DNAJC24: variants seen among roughly 807,000 people sequenced by gnomAD.
The protein encoded by DNAJC24 is dnaJ homolog subfamily C member 24.
DNAJC24 carries 17 observed loss-of-function variants against 18.0 expected under a neutral mutation model. The ratio of observed to expected loss-of-function variants is 0.94; its 90% CI spans 0.65 to 1.42. DNAJC24 has a LOEUF of 1.42. Among genes scored for constraint, DNAJC24 ranks in the 40% most tolerant of loss-of-function variants. The pLI is 0.00. For synonymous variants in DNAJC24, 55 were observed against 57.7 expected (o/e 0.95, Z 0.21); for missense variants, 158 against 175.6 (o/e 0.90, Z 0.57).
intron 4 of DNAJC24, among the ~76,000 whole-genome samples, chr11:31,428,410 TG>T (rs1952886314): frequency 6.6e-6 from 1 of 152,144 alleles, no homozygotes; most frequent in African/African-American, 2.4e-5. Flanking sequence ...AAACGAATCA[TG>T]GAAGTTTTGA....
chr11:31,376,344 T>A (rs979869628), intron 2 of DNAJC24, among the ~76,000 whole-genome samples: 5 of 152,240 alleles, frequency 3.3e-5, no homozygotes, highest in African/African-American at 1.2e-4. Context: ...TTTGCCCTTC[T>A]TTTTTCTTGG....
chr11:31,417,509 A>C (rs1375611277), intron 3 of DNAJC24, among the ~76,000 whole-genome samples: 1 of 152,090 alleles, frequency 6.6e-6, no homozygotes, highest in Non-Finnish European at 1.5e-5. Context: ...GGTTACCGAG[A>C]GAGAGAGTTT....
chr11:31,424,242 TTTGA>T (rs1306749297), intron 3 of DNAJC24, among the ~76,000 whole-genome samples: 4 of 152,176 alleles, frequency 2.6e-5, no homozygotes, highest in Non-Finnish European at 4.4e-5. Context: ...TCTGATTTGC[TTTGA>T]TTGATTTCAA....
chr11:31,383,687 A>G (rs1952400758), intron 2 of DNAJC24, among the ~76,000 whole-genome samples: 1 of 152,218 alleles, frequency 6.6e-6, no homozygotes, highest in African/African-American at 2.4e-5. Context: ...TTTTGCTTGT[A>G]GTTTATGGAA....
chr11:31,402,176 A>G (rs1952606790), intron 2 of DNAJC24, among the ~76,000 whole-genome samples: 1 of 152,190 alleles, frequency 6.6e-6, no homozygotes, highest in Non-Finnish European at 1.5e-5. Flanking sequence ...AACCTATACA[A>G]TATGTTAGTG....
In DNAJC24 at chr11:31,375,831, G is replaced by C. The variant is rs1952308229; in HGVS notation, c.111+4972G>C. ...TGAAGTGAAGCAGCAAATTACAGGA[G>C]AGAGAATTTCAACTAGCATTATTCT... On this transcript the variant is annotated intron_variant, in intron 2 of 4. Transcript: ENST00000465995. Among the ~76,000 whole-genome samples, 6 of 135,442 alleles carry C rather than the reference G, an allele frequency of 4.4e-5. 3 individuals carry two copies. In the Admixed American group the frequency reaches 4.5e-4, roughly 10 times the overall value. The allele number at this position is 135,442 out of a possible 152,430, so 88.9% of individuals were successfully genotyped here. A position where few individuals can be genotyped will look rare whatever the true frequency, so the allele number is the denominator to read the frequency against.
chr11:31,388,503 T>C (rs1278982943), intron 2 of DNAJC24, among the ~76,000 whole-genome samples: 1 of 152,112 alleles, frequency 6.6e-6, no homozygotes, highest in Non-Finnish European at 1.5e-5. Context: ...TATTCTAGAA[T>C]AGTATATCCA....
At chr11:31,411,887 C>T (rs1437372416) in intron 2 of DNAJC24, among the ~76,000 whole-genome samples, 4 of 152,166 alleles carry the variant, frequency 2.6e-5, no homozygotes, top group Non-Finnish European at 4.4e-5. Flanking sequence ...TTTTCTTAGA[C>T]CTTCACTTTG....
intron 3 of DNAJC24, chr11:31,417,292 A>G (rs929779341): frequency 2.0e-5 from 3 of 152,126 alleles, no homozygotes; most frequent in African/African-American, 7.2e-5. Context: ...CTTTCATACC[A>G]GAGCTATTTT....
Position 31,430,432 on chromosome 11 carries a change from T to G in DNAJC24, c.*31T>G. 3 of 1,580,080 alleles carry G rather than the reference T, an allele frequency of 1.9e-6. No individual in the cohort carries two copies. In the South Asian group the frequency reaches 3.4e-5, roughly 18 times the overall value. ...TTCACAACTTGAAATGCTTTAACTG[T>G]GGTATTGAGACATGATGAGAAGCCG... On this transcript the variant is annotated 3_prime_UTR_variant, in exon 5 of 5. Coordinates refer to ENST00000465995, the MANE Select transcript of DNAJC24 (RefSeq NM_181706.5).
chr11:31,384,020 G>A (rs1952403953), intron 2 of DNAJC24, among the ~76,000 whole-genome samples: 1 of 152,184 alleles, frequency 6.6e-6, no homozygotes, highest in Non-Finnish European at 1.5e-5. Flanking sequence ...CTTTGTCTTT[G>A]ATTGTTTTTC....
chr11:31,421,803 A>G (rs1290971683), intron 3 of DNAJC24, among the ~76,000 whole-genome samples: 1 of 152,196 alleles, frequency 6.6e-6, no homozygotes, highest in Non-Finnish European at 1.5e-5. Context: ...ATATTTATTG[A>G]TTCCCAAATG....
At chr11:31,400,378 C>G (rs532747156) in intron 2 of DNAJC24, among the ~76,000 whole-genome samples, 175 of 152,184 alleles carry the variant, frequency 1.1e-3, no homozygotes, top group Non-Finnish European at 2.2e-3. Flanking sequence ...AAAAACTACT[C>G]TAAATTTCAT....
chr11:31,386,024 A>G (rs1039162109), intron 2 of DNAJC24, among the ~76,000 whole-genome samples: 1 of 152,198 alleles, frequency 6.6e-6, no homozygotes, highest in Non-Finnish European at 1.5e-5. Flanking sequence ...GCAGAACTCA[A>G]CCAGCACCCA....
chr11:31,385,013 T>C (rs1952414131), intron 2 of DNAJC24: 1 of 152,196 alleles, frequency 6.6e-6, no homozygotes, highest in Non-Finnish European at 1.5e-5. Context: ...TTAAAAAGCC[T>C]CTGTTACCCA....
intron 2 of DNAJC24, among the ~76,000 whole-genome samples, chr11:31,371,449 G>A (rs1202525050): frequency 2.0e-5 from 3 of 152,058 alleles, no homozygotes; most frequent in Non-Finnish European, 4.4e-5. Flanking sequence ...TTCATATCTA[G>A]CATTTCTACT....
At chr11:31,395,851 A>G (rs557547641) in intron 2 of DNAJC24, among the ~76,000 whole-genome samples, 1 of 152,330 alleles carries the variant, frequency 6.6e-6, no homozygotes, top group African/African-American at 2.4e-5. Flanking sequence ...TTCTGGGATC[A>G]CAAGATTTGT....
chr11:31,381,356 G>T (rs913957525), intron 2 of DNAJC24, among the ~76,000 whole-genome samples: 2 of 151,986 alleles, frequency 1.3e-5, no homozygotes, highest in Admixed American at 6.6e-5. Context: ...AATTAATGTT[G>T]TTGTGTCCAT....
intron 3 of DNAJC24, among the ~76,000 whole-genome samples, chr11:31,420,149 T>G (rs1474855991): frequency 1.3e-5 from 2 of 152,062 alleles, no homozygotes; most frequent in Admixed American, 1.3e-4. Context: ...TTTTCCGACT[T>G]ATTACCTATT....
Sources: gnomAD v4.1 joint callset for allele counts (sites outside exome capture counted in the v4.1 genomes callset) on GRCh38, gnomAD v4.1.1 for gene constraint, MANE v1.5 for transcripts, NCBI Gene and HGNC (gene_info 2026-07-23, HGNC 2026-07-21) for gene names.